STX12: variants seen among roughly 807,000 people sequenced by gnomAD.
STX12 encodes syntaxin 12, also known as syntaxin-12.
STX12 carries 17 observed loss-of-function variants against 42.2 expected under a neutral mutation model. The ratio of observed to expected loss-of-function variants is 0.40; its 90% CI spans 0.28 to 0.60. The LOEUF is 0.60. Ranked by LOEUF, STX12 falls within the 20% of genes least tolerant of loss-of-function variation. The pLI is 0.39. For missense variants in STX12, 297 were observed against 330.9 expected (o/e 0.90, Z 0.79); for synonymous variants, 108 against 116.7 (o/e 0.93, Z 0.48).
At chr1:27,798,253 G>A (rs988655699) in intron 3 of STX12, among the ~76,000 whole-genome samples, 9 of 151,950 alleles carry the variant, frequency 5.9e-5, no homozygotes, top group African/African-American at 1.9e-4. Context: ...GATCATGGCC[G>A]GGCACAGTGG....
intron 3 of STX12, 148 bp downstream of exon 3, chr1:27,793,780 GA>G (rs1325652464): frequency 1.3e-5 from 8 of 608,782 alleles, no homozygotes; most frequent in Non-Finnish European, 2.3e-5. Flanking sequence ...TCAAGTGGGG[GA>G]TATGTGACTG....
intron 3 of STX12, among the ~76,000 whole-genome samples, chr1:27,798,644 CAAA>C (rs71010374): frequency 4.1e-5 from 2 of 48,374 alleles, no homozygotes; most frequent in East Asian, 4.6e-4. Context: ...GACTCCCTCT[CAAA>C]AAAAAAAAAA....
At chr1:27,796,703 G>GTTT (rs113275488) in intron 3 of STX12, among the ~76,000 whole-genome samples, 5 of 136,610 alleles carry the variant, frequency 3.7e-5, no homozygotes, top group Admixed American at 7.3e-5. Context: ...TTTGTAAAGA[G>GTTT]TTTTTTTTTT....
In STX12 at chr1:27,801,672, C is replaced by A; in HGVS notation, c.289-6C>A. 6.7e-7 allele frequency: 1 copy of A among 1,489,190 alleles called. No individual in the cohort carries two copies. The highest frequency in any genetic ancestry group is 8.9e-7 in the Non-Finnish European group (1 of 1,121,796). The allele number at this position is 1,489,190 out of a possible 1,614,324, so 92.2% of individuals were successfully genotyped here. A position where few individuals can be genotyped will look rare whatever the true frequency, so the allele number is the denominator to read the frequency against. On this transcript the variant is annotated splice_polypyrimidine_tract_variant and splice_region_variant and intron_variant, in intron 3 of 8. Transcript: ENST00000373943. ...GAAATCTCAAGTTCTTGCTTGATTT[C>A]CTTAGCGCCAGCAGAGACTTCAGAA...
chr1:27,818,198 C>T (rs1165697164), intron 7 of STX12: 5 of 291,174 alleles, frequency 1.7e-5, no homozygotes, highest in Non-Finnish European at 2.6e-5. Flanking sequence ...CTGGCTCACA[C>T]GGTGAAACCC....
intron 2 of STX12, 76 bp from the exon 3 acceptor site, chr1:27,793,455 ACT>A (rs1299659408): frequency 1.7e-6 from 2 of 1,210,142 alleles, no homozygotes; most frequent in East Asian, 2.4e-5. Flanking sequence ...GTTATGAGAC[ACT>A]CTGAGAACAA....
chr1:27,810,338 A>C, intron 5 of STX12, 49 bp downstream of exon 5: 1 of 1,507,892 alleles, frequency 6.6e-7, no homozygotes, highest in Non-Finnish European at 9.1e-7. Context: ...ATGGGAATCT[A>C]TCTCGTTATA....
chr1:27,794,266 A>G (rs1033372609), intron 3 of STX12, among the ~76,000 whole-genome samples: 4 of 152,128 alleles, frequency 2.6e-5, no homozygotes, highest in Admixed American at 2.6e-4. Flanking sequence ...ACTTCAAGCA[A>G]TCCTCCCACC....
chr1:27,778,728 T>C (rs2088644227), intron 1 of STX12, among the ~76,000 whole-genome samples: 1 of 151,848 alleles, frequency 6.6e-6, no homozygotes, highest in Non-Finnish European at 1.5e-5. Context: ...ACAGCATTTC[T>C]GTTCTTTATG....
rs61253983 is a variant in STX12, at chr1:27,798,780, C to CAA, written c.289-2875_289-2874dup. ...TGGACGACAGAGCGAGACTCCGTCT[C>CAA]AAAAAAAAAAAAAAAAAAAAAAAAT... On this transcript the variant is annotated intron_variant, in intron 3 of 8. Coordinates refer to ENST00000373943, the MANE Select transcript of STX12 (RefSeq NM_177424.3). Among the ~76,000 whole-genome samples the CAA allele has an allele frequency of 4.6e-3, 250 of 54,206 alleles. 4 individuals carry two copies. The East Asian group carries it at 0.064, about 14-fold the overall frequency. The allele number at this position is 54,206 out of a possible 152,430, so 35.6% of individuals were successfully genotyped here.
intron 6 of STX12, among the ~76,000 whole-genome samples, chr1:27,816,533 C>T (rs1557808017): frequency 7.2e-6 from 1 of 138,808 alleles, no homozygotes; most frequent in Non-Finnish European, 1.5e-5. Context: ...AGGCTGGGCG[C>T]GGTGGATCAT....
At chr1:27,779,819 C>T (rs1398660081) in intron 1 of STX12, among the ~76,000 whole-genome samples, 2 of 151,270 alleles carry the variant, frequency 1.3e-5, no homozygotes, top group Non-Finnish European at 2.9e-5. Flanking sequence ...GAGAGTTTCG[C>T]TGTTGTTAAC....
chr1:27,798,367 A>G (rs1048566479), intron 3 of STX12, among the ~76,000 whole-genome samples: 2 of 151,856 alleles, frequency 1.3e-5, no homozygotes, highest in East Asian at 3.9e-4. Flanking sequence ...AAAATTAGCC[A>G]GGCACGGTGG....
chr1:27,796,858 A>T (rs957635168), intron 3 of STX12, among the ~76,000 whole-genome samples: 10 of 151,904 alleles, frequency 6.6e-5, no homozygotes, highest in Non-Finnish European at 1.0e-4. Context: ...GGCATGTGCC[A>T]CCATGCCCAG....
rs1416100266 is a variant in STX12 at position 27,819,699 on chromosome 1, C to A, written c.699C>A (p.Ala233=). 1.2e-6 allele frequency: 2 copies of A among 1,613,826 alleles called. No homozygotes were observed. Among genetic ancestry groups the A allele is most frequent in the Non-Finnish European group, 1.7e-6 (2 of 1,179,898 alleles). The part of the protein sequence containing the change: ...VESSEVHVER[A]TEQLQRAAYY... ...GCTCAGAGGTGCACGTCGAAAGAGC[C>A]ACTGAACAGTTACAGCGAGCTGCTT... is the stretch of plus-strand genomic sequence containing the variant. Residue 233 remains alanine, a synonymous_variant, in exon 8 of 9, where the codon GCC becomes GCA. Transcript: ENST00000373943.
At chr1:27,804,114 A>G (rs1179290122) in intron 4 of STX12, among the ~76,000 whole-genome samples, 1 of 152,114 alleles carries the variant, frequency 6.6e-6, no homozygotes, top group Admixed American at 6.5e-5. Context: ...TCAGGAACCC[A>G]TTACACTCTT....
chr1:27,813,518 C>T lies in STX12; in HGVS notation c.576+1250C>T, dbSNP rs146485318. 4.2e-4 allele frequency among the ~76,000 whole-genome samples: 64 copies of T among 152,232 alleles called. 1 individual carries two copies. The highest frequency in any genetic ancestry group is 3.4e-4 in the African/African-American group (14 of 41,524). On this transcript the variant is annotated intron_variant, in intron 6 of 8. Coordinates refer to ENST00000373943, the MANE Select transcript of STX12 (RefSeq NM_177424.3). Reference sequence around the variant, plus strand: ...GAGTTTTCTCCAGTTTAGTTTTCTCCGAAGGTAGAAGGCTGCCATTGCTGG... The same window carrying T: ...GAGTTTTCTCCAGTTTAGTTTTCTCTGAAGGTAGAAGGCTGCCATTGCTGG...
chr1:27,813,232 A>G (rs1032890921), intron 6 of STX12, among the ~76,000 whole-genome samples: 3 of 151,424 alleles, frequency 2.0e-5, no homozygotes, highest in African/African-American at 4.9e-5. Context: ...CAGGAGTGCA[A>G]TGACACTATC....
At chr1:27,816,586 A>G (rs985219627) in intron 6 of STX12, among the ~76,000 whole-genome samples, 4 of 134,632 alleles carry the variant, frequency 3.0e-5, no homozygotes, top group African/African-American at 1.1e-4. Flanking sequence ...CAGGCGGATC[A>G]GGAAGGAAGG....
Sources: gnomAD v4.1 joint callset for allele counts (sites outside exome capture counted in the v4.1 genomes callset) on GRCh38, gnomAD v4.1.1 for gene constraint, MANE v1.5 for transcripts, NCBI Gene and HGNC (gene_info 2026-07-23, HGNC 2026-07-21) for gene names.